MYO1A: variants seen among roughly 807,000 people sequenced by gnomAD.
MYO1A encodes myosin IA.
MYO1A carries 127 observed loss-of-function variants against 138.5 expected under a neutral mutation model. That is an observed-to-expected ratio of 0.92 (90% confidence interval 0.79 to 1.06). The LOEUF is 1.06. Among genes scored for constraint, MYO1A ranks in the 50% least tolerant of loss-of-function variants. The probability of loss-of-function intolerance (pLI) is 0.00; values close to 1 mark genes in which losing one functional copy is unlikely to be tolerated. For missense variants in MYO1A, 1,211 were observed against 1,288.8 expected, an observed-to-expected ratio of 0.94 and a Z score of 0.92; for synonymous variants, 477 against 497.5, an observed-to-expected ratio of 0.96 and a Z score of 0.55.
chr12:57,030,350 A>T, intron 23 of MYO1A, 34 bp from the exon 24 acceptor site: 134 of 1,272,456 alleles, frequency 1.1e-4, no homozygotes, highest in Middle Eastern at 1.9e-4. Context: ...CTAAAATCAT[A>T]GAGTGGGAGG....
intron 4 of MYO1A, 33 bp downstream of exon 4, chr12:57,047,594 G>T: frequency 1.2e-6 from 2 of 1,606,424 alleles, no homozygotes; most frequent in South Asian, 1.1e-5. Flanking sequence ...TTCCAGAGGT[G>T]ACTCCATGTG....
intron 13 of MYO1A, 51 bp downstream of exon 13, chr12:57,041,381 T>A: frequency 6.3e-7 from 1 of 1,593,986 alleles, no homozygotes. Context: ...CCTGTGAGCC[T>A]GTCCACCTCT....
At chr12:57,037,789 C>T (rs2030634150) in intron 18 of MYO1A, 80 bp downstream of exon 18, 2 of 1,531,494 alleles carry the variant, frequency 1.3e-6, no homozygotes, top group Non-Finnish European at 1.8e-6. Context: ...CAGATGTGCA[C>T]TGCACCTCCA....
rs1225541970 is a variant in MYO1A at position 57,029,273 on chromosome 12, A to G, written c.2878-14T>C. On this transcript the variant is annotated splice_polypyrimidine_tract_variant and intron_variant, in intron 26 of 27. Coordinates refer to ENST00000300119, the MANE Select transcript of MYO1A (RefSeq NM_005379.4). The stretch of plus-strand genomic sequence containing the variant: ...CACCGATGACATCTTAGGAAGAGGG[A>G]AAAATAGCAGGAAAGGGATTCATTT... 2.5e-6 allele frequency: 4 copies of G among 1,613,696 alleles called. No homozygotes were observed. In the East Asian group the frequency reaches 8.9e-5, roughly 36 times the overall value.
chr12:57,029,571 A>C lies in MYO1A; in HGVS notation c.2741T>G (p.Leu914Arg). 1 of 1,614,208 alleles carries C rather than the reference A, an allele frequency of 6.2e-7. No individual in the cohort carries two copies. Among genetic ancestry groups the C allele is most frequent in the Non-Finnish European group, 8.5e-7 (1 of 1,180,042 alleles). Residue 914 changes from leucine to arginine, a missense_variant, in exon 26 of 28, where the codon CTC (leucine) becomes CGC (arginine). Transcript: ENST00000300119. ...AATCACATGGCCCTTGGTCAGGAGG[A>C]GAATCCGAGAAGAAGTCTAGGGACG... ...RGNGKTSSRI[L>R]LLTKGHVILT... is the part of the protein sequence containing the mutation.
chr12:57,039,219 A>T lies in MYO1A; in HGVS notation c.1325T>A (p.Ile442Asn), dbSNP rs1372531391. The T allele has an allele frequency of 2.5e-6, 4 of 1,613,918 alleles. No homozygotes were observed. Among genetic ancestry groups the T allele is most frequent in the Non-Finnish European group, 3.4e-6 (4 of 1,179,898 alleles). ...YFDNGIICKLIEHNQRGILAM... is the reference protein window; with the variant it reads ...YFDNGIICKLNEHNQRGILAM... ...AAGAGAATGACAACTCACATGCTCAATGAGCTTACAAATGATGCCATTATC... is the reference window on the plus strand; with the variant it reads ...AAGAGAATGACAACTCACATGCTCATTGAGCTTACAAATGATGCCATTATC... Residue 442 changes from isoleucine (I) to asparagine (N), a missense_variant, in exon 15 of 28, where the codon ATT (isoleucine) becomes AAT (asparagine). Physicochemically the swap from Ile to Asn is moderately radical, Grantham distance 149. Coordinates refer to ENST00000300119, the MANE Select transcript of MYO1A (RefSeq NM_005379.4).
chr12:57,032,838 A>T (rs2030352059), intron 22 of MYO1A, among the ~76,000 whole-genome samples: 1 of 152,178 alleles, frequency 6.6e-6, no homozygotes, highest in African/African-American at 2.4e-5. Context: ...GCATAATATG[A>T]TGTTTTAAAA....
At chr12:57,043,744 G>T in intron 10 of MYO1A, 112 bp downstream of exon 10, 1 of 1,412,114 alleles carries the variant, frequency 7.1e-7, no homozygotes, top group Non-Finnish European at 9.8e-7. Context: ...GGAGTGGGCT[G>T]AGTGGGACTG....
rs754863301 is a variant in MYO1A, at chr12:57,047,740, G to C, written c.231-19C>G. On this transcript the variant is annotated intron_variant, in intron 3 of 27. Transcript: ENST00000300119. ...TGCGTAGCTTGTGGGGAGGAAGTGG[G>C]CAATGACTATTGTGAAACCAGTTCA... The C allele has an allele frequency of 2.5e-6, 4 of 1,613,930 alleles. No homozygotes were observed. Among genetic ancestry groups the C allele is most frequent in the Admixed American group, 1.7e-5 (1 of 60,016 alleles).
chr12:57,037,269 A>G (rs1315999723), intron 19 of MYO1A, among the ~76,000 whole-genome samples, 178 bp from the exon 20 acceptor site: 1 of 152,234 alleles, frequency 6.6e-6, no homozygotes, highest in African/African-American at 2.4e-5. Flanking sequence ...CTAACTTTGT[A>G]GCAGGCAGTA....
intron 19 of MYO1A, 104 bp downstream of exon 19, chr12:57,037,444 G>A: frequency 9.7e-7 from 1 of 1,034,332 alleles, no homozygotes; most frequent in Non-Finnish European, 1.5e-6. Context: ...CCACTGGACA[G>A]TGATCCATTC....
At chr12:57,038,178 A>G in intron 17 of MYO1A, 109 bp from the exon 18 acceptor site, 1 of 1,358,438 alleles carries the variant, frequency 7.4e-7, no homozygotes. Context: ...AAAAGTTTCA[A>G]AGAAAGTAGA....
In MYO1A at chr12:57,041,419, G is replaced by T; in HGVS notation, c.1164+13C>A. 6.2e-7 allele frequency: 1 copy of T among 1,611,620 alleles called. No individual in the cohort carries two copies. The highest frequency in any genetic ancestry group is 8.5e-7 in the Non-Finnish European group (1 of 1,177,742). ...TCCTAGGGGAGCAGGGTGCTGAGGT[G>T]AGGCACTCTCACCTCTAATATCTCA... On this transcript the variant is annotated intron_variant, in intron 13 of 27. Transcript: ENST00000300119.
intron 22 of MYO1A, among the ~76,000 whole-genome samples, chr12:57,034,888 C>T (rs976979327): frequency 6.6e-6 from 1 of 152,074 alleles, no homozygotes; most frequent in African/African-American, 2.4e-5. Context: ...ATCACTTGAA[C>T]CTGGGAGGCG....
chr12:57,033,861 C>A (rs1456335619), intron 22 of MYO1A, among the ~76,000 whole-genome samples: 1 of 152,196 alleles, frequency 6.6e-6, no homozygotes, highest in East Asian at 1.9e-4. Context: ...AGGAACTATC[C>A]AAGCTCATTG....
chr12:57,041,386 A>G, intron 13 of MYO1A, 46 bp downstream of exon 13: 2 of 1,597,474 alleles, frequency 1.3e-6, no homozygotes, highest in Non-Finnish European at 1.7e-6. Context: ...GAGCCTGTCC[A>G]CCTCTAATCC....
At chr12:57,029,332 G>A (rs1273925576) in intron 26 of MYO1A, 73 bp from the exon 27 acceptor site, 1 of 1,612,816 alleles carries the variant, frequency 6.2e-7, no homozygotes, top group Non-Finnish European at 8.5e-7. Flanking sequence ...GACATCAAAG[G>A]CCCAGAGCGA....
intron 1 of MYO1A, among the ~76,000 whole-genome samples, chr12:57,049,143 G>C (rs2031245800): frequency 6.6e-6 from 1 of 152,210 alleles, no homozygotes; most frequent in Non-Finnish European, 1.5e-5. Flanking sequence ...GACACACCTA[G>C]CTTCTTGCGG....
At chr12:57,032,492 C>G (rs990791146) in intron 22 of MYO1A, among the ~76,000 whole-genome samples, 2 of 152,284 alleles carry the variant, frequency 1.3e-5, no homozygotes, top group East Asian at 3.9e-4. Flanking sequence ...GAATGAGTGG[C>G]AGCATATTCC....
Sources: allele counts gnomAD v4.1 joint callset (sites outside exome capture counted in the v4.1 genomes callset), GRCh38; gene constraint gnomAD v4.1.1; transcripts MANE v1.5; gene names NCBI Gene and HGNC (gene_info 2026-07-23, HGNC 2026-07-21).